The following MRRF variants were observed in gnomAD, a reference collection of about 807,000 sequenced individuals.
MRRF encodes the protein mitochondrial ribosome recycling factor.
Under a neutral mutation model 25.1 loss-of-function variants are expected in MRRF, and 18 were observed. That is an observed-to-expected ratio of 0.72 (90% CI 0.50 to 1.06). The LOEUF is 1.06. Among genes scored for constraint, MRRF ranks in the 50% least tolerant of loss-of-function variants. The pLI is 0.00. For missense variants in MRRF, 323 were observed against 319.3 expected, an observed-to-expected ratio of 1.01 and a Z score of -0.09; for synonymous variants, 113 against 112.1, an observed-to-expected ratio of 1.01 and a Z score of -0.05.
rs903368104 is a variant in MRRF, at chr9:122,327,450, C to T, written c.*4833C>T. ...TGAGGCTTTCTTTTGCCCTAATAGA[C>T]GGTCATTTTTCATGATGTGCATTTG... On this transcript the variant is annotated 3_prime_UTR_variant, in exon 7 of 7. Coordinates refer to ENST00000344641, the MANE Select transcript of MRRF (RefSeq NM_138777.5). 2.0e-5 allele frequency: 3 copies of T among 152,100 alleles called. No individual in the cohort carries two copies. Among genetic ancestry groups the T allele is most frequent in the Non-Finnish European group, 4.4e-5 (3 of 68,024 alleles). 9.4% of individuals were successfully genotyped at this position (152,100 alleles called of 1,614,324 possible).
At chr9:122,319,703 G>T (rs1272891661) in intron 6 of MRRF, among the ~76,000 whole-genome samples, 4 of 152,066 alleles carry the variant, frequency 2.6e-5, no homozygotes, top group African/African-American at 9.7e-5. Flanking sequence ...TTAGGCAAGT[G>T]TCTGACATTT....
intron 5 of MRRF, among the ~76,000 whole-genome samples, chr9:122,311,315 G>T (rs976031266): frequency 2.6e-5 from 4 of 152,106 alleles, no homozygotes; most frequent in Admixed American, 2.0e-4. Flanking sequence ...AGCCCTCCCT[G>T]TGTCCAGCAT....
At chr9:122,319,147 CTTTTTTT>C (rs35949709) in intron 6 of MRRF, among the ~76,000 whole-genome samples, 6 of 121,016 alleles carry the variant, frequency 5.0e-5, no homozygotes, top group Admixed American at 8.5e-5. Flanking sequence ...TTCTTTCTTT[CTTTTTTT>C]TTTTTTTTTT....
intron 5 of MRRF, among the ~76,000 whole-genome samples, chr9:122,293,908 A>G (rs776295311): frequency 6.6e-6 from 1 of 152,228 alleles, no homozygotes; most frequent in Non-Finnish European, 1.5e-5. Flanking sequence ...CCGAGATCAC[A>G]TGACCAGTAA....
At chr9:122,288,056 A>G (rs1833519729) in intron 4 of MRRF, among the ~76,000 whole-genome samples, 1 of 152,200 alleles carries the variant, frequency 6.6e-6, no homozygotes, top group Non-Finnish European at 1.5e-5. Flanking sequence ...ATTTACATGC[A>G]TGATCTTTTT....
chr9:122,276,852 T>C (rs1165464916), intron 2 of MRRF, among the ~76,000 whole-genome samples: 2 of 152,184 alleles, frequency 1.3e-5, no homozygotes, highest in African/African-American at 4.8e-5. Flanking sequence ...AGTATGCTTG[T>C]AGATTGATCA....
chr9:122,303,512 T>TG (rs1349639231), intron 5 of MRRF, among the ~76,000 whole-genome samples: 3 of 151,948 alleles, frequency 2.0e-5, no homozygotes, highest in Non-Finnish European at 4.4e-5. Flanking sequence ...CCTGAGTAGC[T>TG]GGGACTACAG....
chr9:122,301,663 C>A (rs1486872100), intron 5 of MRRF, among the ~76,000 whole-genome samples: 1 of 151,754 alleles, frequency 6.6e-6, no homozygotes, highest in Non-Finnish European at 1.5e-5. Flanking sequence ...AGAGTTAATA[C>A]TATTTTTTAA....
chr9:122,295,532 G>A (rs1834032660), intron 5 of MRRF, among the ~76,000 whole-genome samples: 1 of 151,122 alleles, frequency 6.6e-6, no homozygotes, highest in African/African-American at 2.4e-5. Context: ...TGCAGCCTGC[G>A]CCTCCCAGGT....
chr9:122,270,213 G>A (rs1169459311), intron 1 of MRRF, among the ~76,000 whole-genome samples: 1 of 152,224 alleles, frequency 6.6e-6, no homozygotes, highest in African/African-American at 2.4e-5. Flanking sequence ...AGTTGTAGGC[G>A]ATGGCATCTT....
intron 5 of MRRF, 91 bp from the exon 6 acceptor site, chr9:122,313,136 C>A: frequency 1.5e-6 from 2 of 1,328,914 alleles, no homozygotes; most frequent in Non-Finnish European, 1.1e-6. Flanking sequence ...AAGTTACAAA[C>A]TGCTGAACTG....
chr9:122,285,393 G>A, intron 4 of MRRF, 106 bp downstream of exon 4: 4 of 813,630 alleles, frequency 4.9e-6, no homozygotes, highest in Non-Finnish European at 8.8e-6. Flanking sequence ...AAACAAGAGA[G>A]AAGACATAAT....
chr9:122,331,278 A>T lies in MRRF; in HGVS notation c.*8661A>T, dbSNP rs1386523224. 6.6e-6 allele frequency: 1 copy of T among 152,222 alleles called. No individual in the cohort carries two copies. Among genetic ancestry groups the T allele is most frequent in the East Asian group, 1.9e-4 (1 of 5,196 alleles). The allele number at this position is 152,222 out of a possible 1,614,324, so 9.4% of individuals were successfully genotyped here. ...TGTTAATTTAAATTAACGGACTATTACCTATTCTTAGAGCTTTCTCTTTTG... is the reference window on the plus strand; with the variant it reads ...TGTTAATTTAAATTAACGGACTATTTCCTATTCTTAGAGCTTTCTCTTTTG... On this transcript the variant is annotated 3_prime_UTR_variant, in exon 7 of 7. Coordinates refer to ENST00000344641, the MANE Select transcript of MRRF (RefSeq NM_138777.5).
At chr9:122,290,009 A>G (rs1833656983) in intron 4 of MRRF, among the ~76,000 whole-genome samples, 1 of 151,670 alleles carries the variant, frequency 6.6e-6, no homozygotes, top group Non-Finnish European at 1.5e-5. Flanking sequence ...AGCCGTGATT[A>G]TGCCACTGCC....
At chr9:122,292,405 C>T (rs371279005) in intron 5 of MRRF, among the ~76,000 whole-genome samples, 4 of 151,312 alleles carry the variant, frequency 2.6e-5, no homozygotes, top group Admixed American at 2.0e-4. Context: ...CCTTGCTAGT[C>T]GAAGAATTTT....
rs547619999 is a variant in MRRF, at chr9:122,304,922, G to GC, written c.552-8305_552-8304insC. Among the ~76,000 whole-genome samples the GC allele has an allele frequency of 3.6e-3, 541 of 151,958 alleles. 1 individual carries two copies. Among genetic ancestry groups the GC allele is most frequent in the Admixed American group, 4.1e-3 (63 of 15,260 alleles). On this transcript the variant is annotated intron_variant, in intron 5 of 6. Coordinates refer to ENST00000344641, the MANE Select transcript of MRRF (RefSeq NM_138777.5). ...TTGTGTGACCTTGGGCAGGTTACTTGATCTGTCTGAACCCCCACTTCCCAC... is the reference window on the plus strand; with the variant it reads ...TTGTGTGACCTTGGGCAGGTTACTTGCATCTGTCTGAACCCCCACTTCCCAC...
At chr9:122,284,150 C>G (rs1833244422) in intron 3 of MRRF, among the ~76,000 whole-genome samples, 1 of 152,084 alleles carries the variant, frequency 6.6e-6, no homozygotes, top group Admixed American at 6.5e-5. Flanking sequence ...GCTCCGAAGC[C>G]TCTGCAGAAT....
Position 122,275,094 on chromosome 9 carries a change from CCT to C in MRRF, c.184+4020_184+4021del, listed in dbSNP as rs1491499347. On this transcript the variant is annotated intron_variant, in intron 2 of 6. Coordinates refer to ENST00000344641, the MANE Select transcript of MRRF (RefSeq NM_138777.5). ...TATCCATTATCTTACATAGTTACCT[CCT>C]TTTTTTTTTTTTTGCGAAAGCACAT... Among the ~76,000 whole-genome samples the C allele has an allele frequency of 3.7e-3, 556 of 148,354 alleles. 3 individuals carry two copies. The highest frequency in any genetic ancestry group is 0.014 in the African/African-American group (542 of 39,436).
rs1297823764 is a variant in MRRF, at chr9:122,323,815, A to C, written c.*1198A>C. 6.6e-6 allele frequency: 1 copy of C among 152,234 alleles called. No individual in the cohort carries two copies. The highest frequency in any genetic ancestry group is 1.5e-5 in the Non-Finnish European group (1 of 68,044). The allele number at this position is 152,234 out of a possible 1,614,324, so 9.4% of individuals were successfully genotyped here. ...TTAGGTAATTTGCCCAAAGTAACAA[A>C]GCAAAGCTGATCAGTGGTAGAAGGT... On this transcript the variant is annotated 3_prime_UTR_variant, in exon 7 of 7. Coordinates refer to ENST00000344641, the MANE Select transcript of MRRF (RefSeq NM_138777.5).
Sources: gnomAD v4.1 joint callset for allele counts (sites outside exome capture counted in the v4.1 genomes callset) on GRCh38, gnomAD v4.1.1 for gene constraint, MANE v1.5 for transcripts, NCBI Gene and HGNC (gene_info 2026-07-23, HGNC 2026-07-21) for gene names.